GHR: variants seen among roughly 807,000 people sequenced by gnomAD.
GHR encodes growth hormone receptor.
GHR carries 35 observed loss-of-function variants against 67.1 expected under a neutral mutation model. The observed-to-expected ratio is 0.52, with a 90% CI of 0.40 to 0.69. The LOEUF (loss-of-function observed/expected upper bound fraction) is 0.69. Ranked by LOEUF, GHR falls within the 30% of genes least tolerant of loss-of-function variation. The pLI, the probability that GHR is intolerant of heterozygous loss-of-function variation, is 0.00. For synonymous variants in GHR, 272 were observed against 269.1 expected (o/e 1.01, Z -0.10); for missense variants, 792 against 764.6 (o/e 1.04, Z -0.42).
At chr5:42,512,799 C>CT (rs1554014683) in intron 1 of GHR, among the ~76,000 whole-genome samples, 27,972 of 133,390 alleles carry the variant, frequency 0.21, 2,739 homozygotes, top group Middle Eastern at 0.3. Flanking sequence ...CATTCAGTAA[C>CT]TTTTTTTTTT....
intron 3 of GHR, among the ~76,000 whole-genome samples, chr5:42,633,646 A>AT (rs1754032092): frequency 6.6e-6 from 1 of 152,134 alleles, no homozygotes; most frequent in Admixed American, 6.5e-5. Context: ...TGATTCAGTG[A>AT]TTCATCTGCC....
At chr5:42,534,034 C>CAT (rs199927372) in intron 1 of GHR, among the ~76,000 whole-genome samples, 3,021 of 149,430 alleles carry the variant, frequency 0.02, 99 homozygotes, top group African/African-American at 0.069. Context: ...AGTATTCCAT[C>CAT]ATATATATAT....
intron 3 of GHR, among the ~76,000 whole-genome samples, chr5:42,637,490 T>C (rs1022150058): frequency 6.6e-6 from 1 of 152,144 alleles, no homozygotes; most frequent in African/African-American, 2.4e-5. Context: ...GTGTCTACTG[T>C]TGCCATCTTT....
intron 2 of GHR, among the ~76,000 whole-genome samples, chr5:42,622,601 G>C (rs1323858645): frequency 6.6e-6 from 1 of 152,128 alleles, no homozygotes. Context: ...AATAACTGCT[G>C]TGTGAGGCCC....
rs1758807502 is a variant in GHR at position 42,718,082 on chromosome 5, A to C, written c.906A>C (p.Pro302=). ...AAATGCTGATTCTGCCCCCAGTTCCAGTTCCAAAGATTAAAGGAATCGATC... is the reference window on the plus strand; with the variant it reads ...AAATGCTGATTCTGCCCCCAGTTCCCGTTCCAAAGATTAAAGGAATCGATC... ...RIKMLILPPV[P]VPKIKGIDPD... The change falls in exon 9 of 10, where the codon CCA becomes CCC. Residue 302 remains proline (P), a synonymous_variant. Transcript: ENST00000230882. The C allele has an allele frequency of 1.9e-6, 3 of 1,593,952 alleles. No individual in the cohort carries two copies. Among genetic ancestry groups the C allele is most frequent in the African/African-American group, 1.3e-5 (1 of 74,442 alleles).
chr5:42,486,325 T>A (rs1745876978), intron 1 of GHR, among the ~76,000 whole-genome samples: 1 of 152,252 alleles, frequency 6.6e-6, no homozygotes, highest in Non-Finnish European at 1.5e-5. Flanking sequence ...GGACCTTGCT[T>A]CAACTTGGCT....
At chr5:42,475,073 G>A (rs559381474) in intron 1 of GHR, among the ~76,000 whole-genome samples, 2 of 151,788 alleles carry the variant, frequency 1.3e-5, no homozygotes, top group African/African-American at 2.4e-5. Flanking sequence ...TAGTAGTGAC[G>A]GGGTTTCACC....
At chr5:42,580,516 G>C (rs1751108858) in intron 2 of GHR, among the ~76,000 whole-genome samples, 1 of 152,082 alleles carries the variant, frequency 6.6e-6, no homozygotes, top group Non-Finnish European at 1.5e-5. Flanking sequence ...AGTCTCCTAG[G>C]TTCTAAATGT....
intron 1 of GHR, among the ~76,000 whole-genome samples, chr5:42,533,563 T>C (rs1202531670): frequency 6.6e-6 from 1 of 152,006 alleles, no homozygotes; most frequent in African/African-American, 2.4e-5. Context: ...TTAATCTACT[T>C]ACAATAGTTT....
intron 2 of GHR, among the ~76,000 whole-genome samples, chr5:42,575,028 G>T (rs1309391793): frequency 7.0e-6 from 1 of 143,772 alleles, no homozygotes; most frequent in African/African-American, 2.8e-5. Context: ...TCTGCCTAAG[G>T]GTGCATCAAA....
chr5:42,584,594 TG>T (rs1751373194), intron 2 of GHR, among the ~76,000 whole-genome samples: 1 of 152,224 alleles, frequency 6.6e-6, no homozygotes, highest in African/African-American at 2.4e-5. Flanking sequence ...ACCCTTTTTG[TG>T]TAGTGGTTTT....
intron 1 of GHR, chr5:42,467,332 A>G: frequency 9.3e-7 from 1 of 1,074,030 alleles, no homozygotes; most frequent in Admixed American, 1.7e-5. Context: ...TCGCTGATGT[A>G]CAATAAGATT....
intron 1 of GHR, among the ~76,000 whole-genome samples, chr5:42,521,102 C>G (rs1416006614): frequency 6.6e-6 from 1 of 152,156 alleles, no homozygotes; most frequent in Non-Finnish European, 1.5e-5. Context: ...GTGCAATAGG[C>G]ACTCAAAAAT....
intron 2 of GHR, among the ~76,000 whole-genome samples, chr5:42,613,556 G>C (rs910285887): frequency 1.3e-5 from 2 of 152,058 alleles, no homozygotes; most frequent in Non-Finnish European, 2.9e-5. Context: ...TTGGGAAAGC[G>C]TCATTTCAAA....
intron 1 of GHR, among the ~76,000 whole-genome samples, chr5:42,530,911 A>G (rs1747937108): frequency 1.3e-5 from 2 of 152,214 alleles, no homozygotes; most frequent in Non-Finnish European, 2.9e-5. Context: ...TACAAGGGAA[A>G]TGCTCCCGCA....
intron 1 of GHR, among the ~76,000 whole-genome samples, chr5:42,510,733 A>G (rs1045198439): frequency 7.2e-5 from 11 of 152,326 alleles, no homozygotes; most frequent in Non-Finnish European, 1.6e-4. Flanking sequence ...CTGAGATGAG[A>G]CAGATGAATG....
chr5:42,511,085 A>T (rs1193784784), intron 1 of GHR, among the ~76,000 whole-genome samples: 1 of 152,244 alleles, frequency 6.6e-6, no homozygotes, highest in Non-Finnish European at 1.5e-5. Context: ...ATGCTGTAAT[A>T]GAACAGACTG....
chr5:42,548,322 T>TA, intron 1 of GHR: 1 of 985,216 alleles, frequency 1.0e-6, no homozygotes, highest in Non-Finnish European at 1.2e-6. Flanking sequence ...TAGAGATTAA[T>TA]ACATGCCAAG....
intron 1 of GHR, among the ~76,000 whole-genome samples, chr5:42,428,339 C>A (rs1742942348): frequency 6.6e-6 from 1 of 152,186 alleles, no homozygotes; most frequent in African/African-American, 2.4e-5. Context: ...CACAGGGTAC[C>A]AAGTACCTAG....
Sources: gnomAD v4.1 joint callset for allele counts (sites outside exome capture counted in the v4.1 genomes callset) on GRCh38, gnomAD v4.1.1 for gene constraint, MANE v1.5 for transcripts, NCBI Gene and HGNC (gene_info 2026-07-23, HGNC 2026-07-21) for gene names.